ADCY5: variants seen among roughly 807,000 people sequenced by gnomAD.
ADCY5 encodes the protein adenylate cyclase type 5.
ADCY5 carries 30 observed loss-of-function variants against 119.7 expected under a neutral mutation model. The observed-to-expected ratio is 0.25, with a 90% CI of 0.19 to 0.34. The LOEUF is 0.34. Ranked by LOEUF, ADCY5 falls within the 10% of genes least tolerant of loss-of-function variation. The probability of loss-of-function intolerance (pLI) is 1.00; values close to 1 mark genes in which losing one functional copy is unlikely to be tolerated. For synonymous variants in ADCY5, 753 were observed against 762.2 expected (o/e 0.99, Z 0.20); for missense variants, 1,324 against 1,775.2 (o/e 0.75, Z 4.57).
At chr3:123,393,865 G>A (rs563458686) in intron 1 of ADCY5, among the ~76,000 whole-genome samples, 14 of 150,744 alleles carry the variant, frequency 9.3e-5, no homozygotes, top group African/African-American at 1.7e-4. Context: ...GGCTGGGCGC[G>A]GTGGTTCACA....
At chr3:123,398,207 C>T (rs909348630) in intron 1 of ADCY5, among the ~76,000 whole-genome samples, 1 of 152,080 alleles carries the variant, frequency 6.6e-6, no homozygotes, top group Admixed American at 6.5e-5. Flanking sequence ...GCAATGAGGC[C>T]CCCACGTGAT....
At chr3:123,328,568 T>A (rs1941606590) in intron 6 of ADCY5, 76 bp downstream of exon 6, 5 of 1,519,038 alleles carry the variant, frequency 3.3e-6, no homozygotes, top group East Asian at 2.3e-5. Flanking sequence ...GCCTCGCCTC[T>A]GCAGGATGGT....
chr3:123,430,451 G>C (rs570730569), intron 1 of ADCY5, among the ~76,000 whole-genome samples: 1 of 152,260 alleles, frequency 6.6e-6, no homozygotes, highest in East Asian at 1.9e-4. Flanking sequence ...CTGTCTGCCA[G>C]TGAAATCACC....
chr3:123,294,967 G>A (rs1939409774), intron 17 of ADCY5, among the ~76,000 whole-genome samples: 1 of 152,126 alleles, frequency 6.6e-6, no homozygotes, highest in African/African-American at 2.4e-5. Context: ...CAAGGGGCAG[G>A]CTCACACAGG....
intron 19 of ADCY5, among the ~76,000 whole-genome samples, chr3:123,289,326 G>A (rs1229420897): frequency 6.6e-6 from 1 of 152,204 alleles, no homozygotes; most frequent in African/African-American, 2.4e-5. Flanking sequence ...AAACAACGCG[G>A]TTAGGTCAGT....
chr3:123,399,030 G>C (rs191790927), intron 1 of ADCY5, among the ~76,000 whole-genome samples: 102 of 152,258 alleles, frequency 6.7e-4, no homozygotes, highest in African/African-American at 2.1e-3. Context: ...GGGCAGGACT[G>C]GGGGAGCTCT....
intron 11 of ADCY5, among the ~76,000 whole-genome samples, chr3:123,315,607 G>C (rs921306824): frequency 1.3e-5 from 2 of 152,016 alleles, no homozygotes; most frequent in Non-Finnish European, 2.9e-5. Flanking sequence ...ACAGAGTCTC[G>C]CTTTGTTGCC....
chr3:123,372,665 C>T (rs1247634957), intron 1 of ADCY5, among the ~76,000 whole-genome samples: 2 of 152,184 alleles, frequency 1.3e-5, no homozygotes, highest in South Asian at 2.1e-4. Flanking sequence ...GTGCCCCACA[C>T]CAGCAACAAG....
chr3:123,385,774 G>C (rs1454379651), intron 1 of ADCY5, among the ~76,000 whole-genome samples: 2 of 152,216 alleles, frequency 1.3e-5, no homozygotes, highest in African/African-American at 4.8e-5. Flanking sequence ...AAGAGCTGCA[G>C]AGTTAAAGTA....
chr3:123,385,372 G>A (rs1308131126), intron 1 of ADCY5, among the ~76,000 whole-genome samples: 1 of 152,214 alleles, frequency 6.6e-6, no homozygotes, highest in East Asian at 1.9e-4. Context: ...AGGGCAAGTA[G>A]AGGGGATGGA....
intron 17 of ADCY5, 34 bp downstream of exon 17, chr3:123,296,050 C>T: frequency 6.2e-7 from 1 of 1,609,612 alleles, no homozygotes; most frequent in Non-Finnish European, 8.5e-7. Context: ...TCCCAAATGC[C>T]TCCCTCCCCA....
intron 14 of ADCY5, among the ~76,000 whole-genome samples, chr3:123,301,907 C>G (rs111390204): frequency 1.3e-5 from 2 of 151,046 alleles, no homozygotes; most frequent in African/African-American, 4.9e-5. Context: ...AGCTTGCCAC[C>G]AGCCCAGGGG....
rs146208676 is a variant in ADCY5 at position 123,334,097 on chromosome 3, C to T, written c.1407-1422G>A. Among the ~76,000 whole-genome samples the T allele has an allele frequency of 2.6e-4, 40 of 152,232 alleles. No individual in the cohort carries two copies. The East Asian group carries it at 7.5e-3, about 29-fold the overall frequency. ...TCCCCAGGACCAGAATCTGTAAGGG[C>T]CCCTGAATTTATTTTTCTTAAAAGG... On this transcript the variant is annotated intron_variant, in intron 3 of 20. Transcript: ENST00000462833.
chr3:123,376,803 C>A (rs1943851941), intron 1 of ADCY5, among the ~76,000 whole-genome samples: 1 of 152,334 alleles, frequency 6.6e-6, no homozygotes, highest in South Asian at 2.1e-4. Context: ...CAAGACCAGG[C>A]AGGAAGATTA....
chr3:123,325,298 C>T (rs773669925), intron 8 of ADCY5, 24 bp downstream of exon 8: 3 of 1,613,098 alleles, frequency 1.9e-6, no homozygotes, highest in African/African-American at 1.3e-5. Context: ...GTGTTGCCCA[C>T]AGGCTGCCCC....
intron 5 of ADCY5, among the ~76,000 whole-genome samples, chr3:123,330,133 T>C (rs901477370): frequency 6.6e-6 from 1 of 152,248 alleles, no homozygotes. Flanking sequence ...TCAGGCTTGC[T>C]GGGGACACTT....
intron 8 of ADCY5, among the ~76,000 whole-genome samples, chr3:123,322,676 T>C (rs563272524): frequency 2.4e-4 from 37 of 152,314 alleles, no homozygotes; most frequent in Non-Finnish European, 4.7e-4. Context: ...CTACCGGCTA[T>C]TCCTGGGTTT....
chr3:123,448,248 T>TGGAGCG lies in ADCY5; in HGVS notation c.292_297dup (p.Arg98_Ser99dup), dbSNP rs1945865544. ...CCGCCGCGCTCCTGCCAGGCGGACT[T>TGGAGCG]GGAGCGGAAGCTGAAGCCGAAGCCC... On this transcript the variant is annotated inframe_insertion, in exon 1 of 21. Transcript: ENST00000462833. The TGGAGCG allele has an allele frequency of 3.4e-6, 5 of 1,488,082 alleles. 1 individual carries two copies. In the Admixed American group the frequency reaches 1.1e-4, roughly 32 times the overall value. 92.2% of individuals were successfully genotyped at this position (1,488,082 alleles called of 1,614,324 possible). A position where few individuals can be genotyped will look rare whatever the true frequency, so the allele number is the denominator to read the frequency against.
intron 3 of ADCY5, among the ~76,000 whole-genome samples, chr3:123,333,004 C>G (rs751783941): frequency 6.6e-6 from 1 of 151,920 alleles, no homozygotes; most frequent in Non-Finnish European, 1.5e-5. Context: ...AGCAATCCAC[C>G]CACCTTGGCC....
Sources: gnomAD v4.1 joint callset for allele counts (sites outside exome capture counted in the v4.1 genomes callset) on GRCh38, gnomAD v4.1.1 for gene constraint, MANE v1.5 for transcripts, NCBI Gene and HGNC (gene_info 2026-07-23, HGNC 2026-07-21) for gene names.